CTDSP2: variants seen among roughly 807,000 people sequenced by gnomAD.
The protein encoded by CTDSP2 is CTD small phosphatase 2, also known as carboxy-terminal domain RNA polymerase II polypeptide A small phosphatase 2.
A neutral mutation model predicts 31.6 loss-of-function variants in CTDSP2; 9 were observed. The ratio of observed to expected loss-of-function variants is 0.28; its 90% CI spans 0.17 to 0.50. The LOEUF (loss-of-function observed/expected upper bound fraction) is 0.50, where lower values mean the gene tolerates loss of function less well. CTDSP2 is among the 20% of genes least tolerant of loss of function. The pLI, the probability that CTDSP2 is intolerant of heterozygous loss-of-function variation, is 0.98. For synonymous variants in CTDSP2, 134 were observed against 134.5 expected (o/e 1.00, Z 0.03); for missense variants, 267 against 348.5 (o/e 0.77, Z 1.86).
rs776912265 is a variant in CTDSP2 at position 57,823,734 on chromosome 12, G to A, written c.691-7C>T. On this transcript the variant is annotated splice_region_variant and splice_polypyrimidine_tract_variant and intron_variant, in intron 7 of 7. Transcript: ENST00000398073. ...ACCAGGACTGCACAGGCACCTGGTG[G>A]GGGGAAGATGTGGTGTCAATCTCCC... 6.2e-7 allele frequency: 1 copy of A among 1,613,758 alleles called. No homozygotes were observed. The highest frequency in any genetic ancestry group is 1.7e-5 in the Admixed American group (1 of 60,016).
chr12:57,829,611 A>G lies in CTDSP2; in HGVS notation c.65-15T>C. On this transcript the variant is annotated splice_polypyrimidine_tract_variant and intron_variant, in intron 1 of 7. Coordinates refer to ENST00000398073, the MANE Select transcript of CTDSP2 (RefSeq NM_005730.4). ...GGAGACCAGGCCTAGGGTGGAGAGAATGACAGAGGCTTTAGCTCTAGGGAC... is the reference window on the plus strand; with the variant it reads ...GGAGACCAGGCCTAGGGTGGAGAGAGTGACAGAGGCTTTAGCTCTAGGGAC... 6.2e-7 allele frequency: 1 copy of G among 1,612,280 alleles called. No homozygotes were observed. Among genetic ancestry groups the G allele is most frequent in the Non-Finnish European group, 8.5e-7 (1 of 1,178,290 alleles).
At chr12:57,830,386 AAAAAACAACAAC>A (rs1028259391) in intron 1 of CTDSP2, among the ~76,000 whole-genome samples, 1 of 152,138 alleles carries the variant, frequency 6.6e-6, no homozygotes, top group African/African-American at 2.4e-5. Context: ...CTCCGTCTCA[AAAAAACAACAAC>A]AAAAACAAAC....
chr12:57,846,663 C>A lies in CTDSP2; in HGVS notation c.-228G>T, dbSNP rs575032844. 38 of 441,164 alleles carry A rather than the reference C, an allele frequency of 8.6e-5. No individual in the cohort carries two copies. The highest frequency in any genetic ancestry group is 1.2e-4 in the Non-Finnish European group (29 of 251,830). The allele number at this position is 441,164 out of a possible 1,614,324, so 27.3% of individuals were successfully genotyped here. On this transcript the variant is annotated 5_prime_UTR_variant, in exon 1 of 8. Transcript: ENST00000398073. ...TCCCCCGGGTGCCCCCGGCCCCGAT[C>A]CCCCAGCGGCAGCTCCGGGCTCCTC...
rs1354712620 is a variant in CTDSP2 at position 57,826,982 on chromosome 12, A to G, written c.354+14T>C. On this transcript the variant is annotated intron_variant, in intron 4 of 7. Coordinates refer to ENST00000398073, the MANE Select transcript of CTDSP2 (RefSeq NM_005730.4). ...CCAAGATAAAGGTAGGAAGGGTTCC[A>G]GACATTGAGTTACCTTAAAGGAGCT... 6.3e-7 allele frequency: 1 copy of G among 1,589,374 alleles called. No homozygotes were observed. The highest frequency in any genetic ancestry group is 1.7e-5 in the Admixed American group (1 of 59,936).
In CTDSP2 at chr12:57,846,591, G is replaced by A. The variant is rs1306674457; in HGVS notation, c.-156C>T. The A allele has an allele frequency of 8.1e-6, 5 of 615,812 alleles. No homozygotes were observed. Among genetic ancestry groups the A allele is most frequent in the African/African-American group, 4.0e-5 (2 of 50,430 alleles). 38.1% of individuals were successfully genotyped at this position (615,812 alleles called of 1,614,324 possible). A position where few individuals can be genotyped will look rare whatever the true frequency, so the allele number is the denominator to read the frequency against. On this transcript the variant is annotated 5_prime_UTR_variant, in exon 1 of 8. Coordinates refer to ENST00000398073, the MANE Select transcript of CTDSP2 (RefSeq NM_005730.4). ...CCCCCTCTCGTTTCCTCCCCGGACC[G>A]GGAAGGGAGGCGGCCTGTACAAAGG...
At position 57,841,968 on chromosome 12, in the gene CTDSP2, G is replaced by A. The variant is rs533413373; in HGVS notation, c.64+4404C>T. Reference sequence around the variant, plus strand: ...TAGGAAAAGAAGGTATTTGAACCCAGGCCTGAAGCAATTTTGCTTCAGAAA... The same window carrying A: ...TAGGAAAAGAAGGTATTTGAACCCAAGCCTGAAGCAATTTTGCTTCAGAAA... On this transcript the variant is annotated intron_variant, in intron 1 of 7. Transcript: ENST00000398073. 9.9e-5 allele frequency among the ~76,000 whole-genome samples: 15 copies of A among 152,222 alleles called. No homozygotes were observed. In the South Asian group the frequency reaches 3.1e-3, roughly 32 times the overall value.
chr12:57,839,349 TC>T (rs1956266971), intron 1 of CTDSP2, among the ~76,000 whole-genome samples: 1 of 152,158 alleles, frequency 6.6e-6, no homozygotes. Context: ...TGGAAAGGTT[TC>T]CCCTGCATGG....
At chr12:57,826,034 C>T (rs1034913295) in intron 5 of CTDSP2, among the ~76,000 whole-genome samples, 3 of 152,070 alleles carry the variant, frequency 2.0e-5, no homozygotes, top group Non-Finnish European at 4.4e-5. Context: ...GTGCTGGCCA[C>T]GTGAGGGGAT....
At chr12:57,839,033 C>T (rs1239239390) in intron 1 of CTDSP2, among the ~76,000 whole-genome samples, 2 of 152,192 alleles carry the variant, frequency 1.3e-5, no homozygotes, top group African/African-American at 2.4e-5. Flanking sequence ...AAAAACGAAT[C>T]AGTCGCACAC....
intron 5 of CTDSP2, 131 bp from the exon 6 acceptor site, chr12:57,824,450 T>A: frequency 4.0e-6 from 3 of 744,638 alleles, no homozygotes; most frequent in Non-Finnish European, 7.1e-6. Context: ...GCTACCTGGC[T>A]GGAAGCCTGC....
In CTDSP2 at chr12:57,822,988, G is replaced by A. The variant is rs578260678; in HGVS notation, c.*614C>T. ...GGCCTATCCCAGGCACTCAGCCGGA[G>A]GCAAGCATAGCCTTTGGGCCACAAG... On this transcript the variant is annotated 3_prime_UTR_variant, in exon 8 of 8. Transcript: ENST00000398073. The A allele has an allele frequency of 1.3e-5, 2 of 154,078 alleles. No individual in the cohort carries two copies. The highest frequency in any genetic ancestry group is 4.8e-5 in the African/African-American group (2 of 41,594). The allele number at this position is 154,078 out of a possible 1,614,324, so 9.5% of individuals were successfully genotyped here.
intron 1 of CTDSP2, among the ~76,000 whole-genome samples, chr12:57,836,377 G>T (rs2140481201): frequency 6.6e-6 from 1 of 152,314 alleles, no homozygotes; most frequent in South Asian, 2.1e-4. Context: ...CCCTATGCAT[G>T]GGCCGGGGTA....
At chr12:57,829,630 T>C (rs1208850839) in intron 1 of CTDSP2, 34 bp from the exon 2 acceptor site, 2 of 1,599,174 alleles carry the variant, frequency 1.3e-6, no homozygotes, top group Non-Finnish European at 8.6e-7. Flanking sequence ...GCTTTAGCTC[T>C]AGGGACATCA....
intron 1 of CTDSP2, among the ~76,000 whole-genome samples, chr12:57,841,099 T>C (rs138164344): frequency 5.7e-3 from 869 of 152,370 alleles, no homozygotes; most frequent in Middle Eastern, 0.024. Context: ...TGTGCTCATC[T>C]GCATCCCAGT....
At chr12:57,830,411 AC>A (rs1420071803) in intron 1 of CTDSP2, among the ~76,000 whole-genome samples, 90 of 151,996 alleles carry the variant, frequency 5.9e-4, no homozygotes, top group African/African-American at 1.0e-3. Context: ...AAACAAACAA[AC>A]AAACAAAACC....
intron 4 of CTDSP2, 125 bp from the exon 5 acceptor site, chr12:57,826,527 A>C: frequency 7.8e-5 from 64 of 818,146 alleles, no homozygotes; most frequent in Middle Eastern, 2.7e-4. Flanking sequence ...TGGCCACCTC[A>C]TTAAGGGGTT....
chr12:57,833,538 T>C (rs1038568103), intron 1 of CTDSP2, among the ~76,000 whole-genome samples: 8 of 152,200 alleles, frequency 5.3e-5, no homozygotes, highest in Admixed American at 5.2e-4. Context: ...AGAGAATTCA[T>C]CAGAATGCAT....
chr12:57,823,847 G>C, intron 7 of CTDSP2, 57 bp downstream of exon 7: 1 of 1,609,204 alleles, frequency 6.2e-7, no homozygotes, highest in Non-Finnish European at 8.5e-7. Context: ...GGAGCCCACA[G>C]TTCCAGTCTG....
At chr12:57,833,150 C>T (rs1180666369) in intron 1 of CTDSP2, among the ~76,000 whole-genome samples, 1 of 152,170 alleles carries the variant, frequency 6.6e-6, no homozygotes, top group East Asian at 1.9e-4. Flanking sequence ...TAGTGACAGA[C>T]GCTGTGAAGG....
Sources: allele counts gnomAD v4.1 joint callset (sites outside exome capture counted in the v4.1 genomes callset), GRCh38; gene constraint gnomAD v4.1.1; transcripts MANE v1.5; gene names NCBI Gene and HGNC (gene_info 2026-07-23, HGNC 2026-07-21).